The following PIAS1 variants were observed in gnomAD, a reference collection of about 807,000 sequenced individuals.
The protein encoded by PIAS1 is protein inhibitor of activated STAT 1.
In PIAS1, 6 loss-of-function variants were observed where a neutral mutation model predicts 71.3. The ratio of observed to expected loss-of-function variants is 0.08; its 90% CI spans 0.05 to 0.17. The LOEUF is 0.17. Ranked by LOEUF, PIAS1 falls within the 10% of genes least tolerant of loss-of-function variation. The probability of loss-of-function intolerance (pLI) is 1.00; values close to 1 mark genes in which losing one functional copy is unlikely to be tolerated. For synonymous variants in PIAS1, 303 were observed against 292.9 expected, an observed-to-expected ratio of 1.03 and a Z score of -0.35; for missense variants, 555 against 793.6, an observed-to-expected ratio of 0.70 and a Z score of 3.61.
intron 2 of PIAS1, among the ~76,000 whole-genome samples, chr15:68,131,490 A>AG (rs2092687768): frequency 6.6e-6 from 1 of 150,792 alleles, no homozygotes; most frequent in South Asian, 2.1e-4. Flanking sequence ...TAAAAAAAAA[A>AG]CTTATTTCTC....
At chr15:68,147,402 C>T (rs924604528) in intron 6 of PIAS1, among the ~76,000 whole-genome samples, 5 of 152,062 alleles carry the variant, frequency 3.3e-5, no homozygotes, top group African/African-American at 1.2e-4. Context: ...GTATCCGTGT[C>T]TGTTTCTCTA....
chr15:68,086,495 C>T lies in PIAS1; in HGVS notation c.214C>T (p.Pro72Ser), dbSNP rs768946990. Reference sequence around the variant, plus strand: ...GCGGTTCCCACAGAAAATCATGACGCCTGCAGACTTGTCCATCCCCAACGT... The same window carrying T: ...GCGGTTCCCACAGAAAATCATGACGTCTGCAGACTTGTCCATCCCCAACGT... ...RRRFPQKIMT[P>S]ADLSIPNVHS... is the part of the protein sequence containing the mutation. The change falls in exon 2 of 14, where the codon CCT (proline) becomes TCT (serine). Residue 72 changes from proline to serine, a missense_variant. Pro to Ser is a moderately conservative substitution (Grantham distance 74). This residue lies in a region of PIAS1 where 80 missense variants were observed against 66.9 expected (regional missense o/e 1.20). Transcript: ENST00000249636. The surrounding 1 kb of genome is among the most constrained non-coding windows in gnomAD (Gnocchi z 7.2). The T allele has an allele frequency of 6.2e-7, 1 of 1,613,934 alleles. No individual in the cohort carries two copies. The highest frequency in any genetic ancestry group is 1.6e-4 in the Middle Eastern group (1 of 6,062).
chr15:68,060,266 G>C (rs1324228504), intron 1 of PIAS1, among the ~76,000 whole-genome samples: 2 of 151,466 alleles, frequency 1.3e-5, no homozygotes, highest in Non-Finnish European at 2.9e-5. Context: ...TTTTTGTTTT[G>C]CTGGGATTAC....
chr15:68,155,171 C>T (rs764330057), intron 7 of PIAS1, among the ~76,000 whole-genome samples: 1 of 152,108 alleles, frequency 6.6e-6, no homozygotes, highest in Non-Finnish European at 1.5e-5. Context: ...AGAGTGGGAA[C>T]GTGAGTCTGG....
chr15:68,111,119 GATTTT>G (rs928474952), intron 2 of PIAS1, among the ~76,000 whole-genome samples: 2 of 152,150 alleles, frequency 1.3e-5, no homozygotes, highest in African/African-American at 4.8e-5. Flanking sequence ...GCTTTGGGTT[GATTTT>G]AGTTAATCTG....
chr15:68,080,669 T>A (rs948805549), intron 1 of PIAS1, among the ~76,000 whole-genome samples: 1 of 152,226 alleles, frequency 6.6e-6, no homozygotes, highest in Non-Finnish European at 1.5e-5. Flanking sequence ...TTGAAAATAA[T>A]AAAATACTTT....
chr15:68,059,889 A>G (rs891227743), intron 1 of PIAS1, among the ~76,000 whole-genome samples: 4 of 151,944 alleles, frequency 2.6e-5, no homozygotes, highest in African/African-American at 7.3e-5. Context: ...CTCGGTTTTT[A>G]CAGGTGTGAG....
At chr15:68,129,721 A>G (rs769670531) in intron 2 of PIAS1, among the ~76,000 whole-genome samples, 1 of 151,972 alleles carries the variant, frequency 6.6e-6, no homozygotes, top group Admixed American at 6.6e-5. Context: ...TAATTTATGT[A>G]TATGTTGAAA....
intron 1 of PIAS1, among the ~76,000 whole-genome samples, chr15:68,082,838 A>T (rs759256695): frequency 6.6e-6 from 1 of 152,130 alleles, no homozygotes; most frequent in South Asian, 2.1e-4. Context: ...TGCCTCGGGG[A>T]TTTGAAAATT....
intron 1 of PIAS1, among the ~76,000 whole-genome samples, chr15:68,060,331 A>T (rs2091944243): frequency 6.6e-6 from 1 of 152,056 alleles, no homozygotes; most frequent in Admixed American, 6.6e-5. Flanking sequence ...TGGCATTTTA[A>T]AACTATATTG....
rs1017422483 is a variant in PIAS1, at chr15:68,191,589, CTAAT to C, written c.*3756_*3759del. ...ATTTCAAAGCATGACAAGTAACTAA[CTAAT>C]TTTCTTGCAGCATGCTTTGAGGTAA... On this transcript the variant is annotated 3_prime_UTR_variant, in exon 14 of 14. Transcript: ENST00000249636. 2.0e-5 allele frequency: 3 copies of C among 152,594 alleles called. No individual in the cohort carries two copies. The highest frequency in any genetic ancestry group is 7.2e-5 in the African/African-American group (3 of 41,456). The allele number at this position is 152,594 out of a possible 1,614,324, so 9.5% of individuals were successfully genotyped here.
chr15:68,060,817 G>A (rs1214184107), intron 1 of PIAS1, among the ~76,000 whole-genome samples: 1 of 152,192 alleles, frequency 6.6e-6, no homozygotes. Flanking sequence ...CCGAGTAGCT[G>A]GGATTACAGG....
chr15:68,114,029 T>TACACACACACACAC, intron 2 of PIAS1, among the ~76,000 whole-genome samples: 1 of 125,312 alleles, frequency 8.0e-6, no homozygotes, highest in African/African-American at 2.8e-5. Flanking sequence ...ATATATTTCA[T>TACACACACACACAC]ACACACACAC....
rs962943151 is a variant in PIAS1 at position 68,167,315 on chromosome 15, G to A, written c.1008+2511G>A. On this transcript the variant is annotated intron_variant, in intron 8 of 13. Coordinates refer to ENST00000249636, the MANE Select transcript of PIAS1 (RefSeq NM_016166.3). The surrounding 1 kb of genome is among the most constrained non-coding windows in gnomAD (Gnocchi z 4.4). The stretch of plus-strand genomic sequence containing the variant: ...GAAATAGTAAGATCATGTATTTTAG[G>A]TATGTTTTTACTCAAAAATAAAATT... 1.3e-5 allele frequency among the ~76,000 whole-genome samples: 2 copies of A among 151,904 alleles called. No homozygotes were observed. The highest frequency in any genetic ancestry group is 4.8e-5 in the African/African-American group (2 of 41,324).
Position 68,164,801 on chromosome 15 carries a change from T to C in PIAS1, c.1005T>C (p.Cys335=). Residue 335 remains cysteine, a synonymous_variant, in exon 8 of 14, where the codon TGT becomes TGC. Coordinates refer to ENST00000249636, the MANE Select transcript of PIAS1 (RefSeq NM_016166.3). ...ATTSLRVSLL[C]PLGKMRLTIP... is the part of the protein sequence containing the mutation. ...CCAGCCTAAGGGTTTCTCTACTATG[T>C]CCAGTAAGTGTTAACTATTACTTGC... 1 of 1,560,744 alleles carries C rather than the reference T, an allele frequency of 6.4e-7. No individual in the cohort carries two copies. Among genetic ancestry groups the C allele is most frequent in the Non-Finnish European group, 8.8e-7 (1 of 1,138,338 alleles).
chr15:68,119,926 T>C (rs1279406119), intron 2 of PIAS1, among the ~76,000 whole-genome samples: 1 of 152,264 alleles, frequency 6.6e-6, no homozygotes, highest in African/African-American at 2.4e-5. Context: ...TTTTTTGTTC[T>C]GAAATCTACT....
At chr15:68,081,321 A>T (rs543899417) in intron 1 of PIAS1, among the ~76,000 whole-genome samples, 9 of 152,306 alleles carry the variant, frequency 5.9e-5, no homozygotes, top group Admixed American at 5.2e-4. Context: ...GTGATCAGAC[A>T]AAAGGAAGCA....
chr15:68,142,188 TTATG>T, intron 3 of PIAS1, 98 bp from the exon 4 acceptor site: 2 of 1,051,124 alleles, frequency 1.9e-6, no homozygotes, highest in Admixed American at 4.1e-5. Flanking sequence ...ACAGTTATAT[TTATG>T]ATAATTTGAA....
At chr15:68,125,600 A>G (rs2092644728) in intron 2 of PIAS1, among the ~76,000 whole-genome samples, 1 of 152,206 alleles carries the variant, frequency 6.6e-6, no homozygotes. Flanking sequence ...AGACTTCAAC[A>G]TAAGAATAAT....
Sources: gnomAD v4.1 joint callset for allele counts (sites outside exome capture counted in the v4.1 genomes callset) on GRCh38, gnomAD v4.1.1 for gene constraint, gnomAD v4.1.1 regional missense constraint, Gnocchi (gnomAD v3.1) non-coding constraint, MANE v1.5 for transcripts, NCBI Gene and HGNC (gene_info 2026-07-23, HGNC 2026-07-21) for gene names.